The following KRAS variants were observed in gnomAD, a reference collection of about 807,000 sequenced individuals.
The protein encoded by KRAS is KRas proto-oncogene, GTPase, also known as GTPase KRas.
Under a neutral mutation model 21.0 loss-of-function variants are expected in KRAS, and 1 was observed. The ratio of observed to expected loss-of-function variants is 0.05; its 90% CI spans 0.02 to 0.23. The LOEUF (loss-of-function observed/expected upper bound fraction) is 0.23. Ranked by LOEUF, KRAS falls within the 10% of genes least tolerant of loss-of-function variation. KRAS has a pLI of 1.00. For synonymous variants in KRAS, 67 were observed against 72.5 expected (o/e 0.92, Z 0.39); for missense variants, 107 against 221.8 (o/e 0.48, Z 3.29).
In KRAS at chr12:25,209,246, G is replaced by A; in HGVS notation, c.*549C>T. On this transcript the variant is annotated 3_prime_UTR_variant, in exon 5 of 5. Transcript: ENST00000311936. The stretch of plus-strand genomic sequence containing the variant: ...GACCATGACTAATAGCAGTGGAAAG[G>A]AGACAAAACCTTTGTGAACAGTGTA... 1.5e-6 allele frequency: 1 copy of A among 683,656 alleles called. No individual in the cohort carries two copies. Among genetic ancestry groups the A allele is most frequent in the Non-Finnish European group, 2.7e-6 (1 of 375,326 alleles). The allele number at this position is 683,656 out of a possible 1,614,324, so 42.3% of individuals were successfully genotyped here.
At chr12:25,230,515 C>G (rs1951452399) in intron 2 of KRAS, among the ~76,000 whole-genome samples, 1 of 152,068 alleles carries the variant, frequency 6.6e-6, no homozygotes, top group Non-Finnish European at 1.5e-5. Flanking sequence ...GTAATCCCAG[C>G]TACTCGGGAG....
chr12:25,227,558 A>G (rs1459009304), intron 2 of KRAS, 146 bp from the exon 3 acceptor site: 1 of 663,848 alleles, frequency 1.5e-6, no homozygotes, highest in East Asian at 2.8e-5. Context: ...AAGATGACGG[A>G]CAAATGGCCA....
At chr12:25,232,926 C>G (rs1257332976) in intron 2 of KRAS, among the ~76,000 whole-genome samples, 1 of 152,048 alleles carries the variant, frequency 6.6e-6, no homozygotes, top group Non-Finnish European at 1.5e-5. Context: ...TAGCCTTTGA[C>G]ATAGTAATGT....
At chr12:25,248,007 T>C (rs998404446) in intron 1 of KRAS, among the ~76,000 whole-genome samples, 1 of 152,116 alleles carries the variant, frequency 6.6e-6, no homozygotes, top group Non-Finnish European at 1.5e-5. Flanking sequence ...CCCAAACAAA[T>C]CAAAGATTTT....
At chr12:25,235,367 G>A in intron 2 of KRAS, 1 of 366,066 alleles carries the variant, frequency 2.7e-6, no homozygotes, top group Non-Finnish European at 5.0e-6. Context: ...GTTGTAGACT[G>A]TCAGAATTAT....
intron 2 of KRAS, among the ~76,000 whole-genome samples, chr12:25,229,036 CA>C (rs1335898542): frequency 6.6e-6 from 1 of 151,868 alleles, no homozygotes; most frequent in African/African-American, 2.4e-5. Context: ...TCCAGCCTGG[CA>C]ACAGAGCAAG....
intron 4 of KRAS, chr12:25,215,658 G>C: frequency 9.8e-7 from 1 of 1,018,104 alleles, no homozygotes; most frequent in South Asian, 1.4e-5. Context: ...ATGAGCTTGA[G>C]ATTTTTTTTT....
chr12:25,246,909 C>T (rs1592825071), intron 1 of KRAS, among the ~76,000 whole-genome samples: 1 of 128,046 alleles, frequency 7.8e-6, no homozygotes, highest in East Asian at 2.0e-4. Context: ...AGAGCCACTC[C>T]GTCTCAAAAA....
At chr12:25,215,838 T>C (rs1330336153) in intron 4 of KRAS, among the ~76,000 whole-genome samples, 1 of 152,226 alleles carries the variant, frequency 6.6e-6, no homozygotes, top group Non-Finnish European at 1.5e-5. Context: ...ACACAGGTAT[T>C]AGCATCTGTT....
Position 25,225,783 on chromosome 12 carries a change from A to T in KRAS, c.291-10T>A, listed in dbSNP as rs546144798. The stretch of plus-strand genomic sequence containing the variant: ...TCTTTTAATTTGTTCTCTGGGAAAG[A>T]AAAAAAAGTTATAGCACAGTCATTA... On this transcript the variant is annotated splice_polypyrimidine_tract_variant and intron_variant, in intron 3 of 4. Coordinates refer to ENST00000311936, the MANE Select transcript of KRAS (RefSeq NM_004985.5). 1 of 1,605,084 alleles carries T rather than the reference A, an allele frequency of 6.2e-7. No homozygotes were observed. The highest frequency in any genetic ancestry group is 2.2e-5 in the East Asian group (1 of 44,682).
rs1287065036 is a variant in KRAS, at chr12:25,208,277, T to A, written c.*1518A>T. 4.3e-6 allele frequency: 1 copy of A among 233,210 alleles called. No individual in the cohort carries two copies. Among genetic ancestry groups the A allele is most frequent in the African/African-American group, 2.2e-5 (1 of 45,332 alleles). 14.4% of individuals were successfully genotyped at this position (233,210 alleles called of 1,614,324 possible). ...AAAAGACACCTATCTAGAACCTAAGTCACCTTCTTCCTAGTCCAGTGATAC... is the reference window on the plus strand; with the variant it reads ...AAAAGACACCTATCTAGAACCTAAGACACCTTCTTCCTAGTCCAGTGATAC... On this transcript the variant is annotated 3_prime_UTR_variant, in exon 5 of 5. Coordinates refer to ENST00000311936, the MANE Select transcript of KRAS (RefSeq NM_004985.5).
Position 25,208,124 on chromosome 12 carries a change from A to G in KRAS, c.*1671T>C, listed in dbSNP as rs564657779. Reference sequence around the variant, plus strand: ...TTACAGATTGTGCTGAGCTTGACAAATAAGTGTATCCTTATGTAAATGGAA... The same window carrying G: ...TTACAGATTGTGCTGAGCTTGACAAGTAAGTGTATCCTTATGTAAATGGAA... On this transcript the variant is annotated 3_prime_UTR_variant, in exon 5 of 5. Transcript: ENST00000311936. 4.7e-5 allele frequency: 11 copies of G among 233,428 alleles called. No individual in the cohort carries two copies. Among genetic ancestry groups the G allele is most frequent in the African/African-American group, 2.2e-4 (10 of 45,446 alleles). The allele number at this position is 233,428 out of a possible 1,614,324, so 14.5% of individuals were successfully genotyped here.
intron 4 of KRAS, among the ~76,000 whole-genome samples, chr12:25,210,471 ATAT>A (rs1343710963): frequency 6.6e-6 from 1 of 152,150 alleles, no homozygotes; most frequent in Non-Finnish European, 1.5e-5. Flanking sequence ...GTATCTAAAC[ATAT>A]TATTTCAGTT....
At position 25,209,712 on chromosome 12, in the gene KRAS, A is replaced by G; in HGVS notation, c.*83T>C. On this transcript the variant is annotated 3_prime_UTR_variant, in exon 5 of 5. Coordinates refer to ENST00000311936, the MANE Select transcript of KRAS (RefSeq NM_004985.5). ...AGCAGGAAAAAAATTAGGTAATGCT[A>G]AAACAAATGCTAATAATTTAGTGTA... 1 of 1,553,352 alleles carries G rather than the reference A, an allele frequency of 6.4e-7. No homozygotes were observed.
intron 4 of KRAS, among the ~76,000 whole-genome samples, chr12:25,220,751 A>C (rs1951311452): frequency 6.6e-6 from 1 of 151,278 alleles, no homozygotes. Context: ...GAGACCAGGC[A>C]CAGTGACTCA....
At chr12:25,245,990 T>C (rs1210320362) in intron 1 of KRAS, among the ~76,000 whole-genome samples, 10 of 151,998 alleles carry the variant, frequency 6.6e-5, no homozygotes, top group African/African-American at 2.2e-4. Flanking sequence ...GATTGTGTCA[T>C]GGGGAAATAA....
At chr12:25,226,735 G>C (rs1951397949) in intron 3 of KRAS, among the ~76,000 whole-genome samples, 1 of 152,114 alleles carries the variant, frequency 6.6e-6, no homozygotes, top group South Asian at 2.1e-4. Context: ...GTTTTATGCA[G>C]CTTTGTCAGA....
chr12:25,225,593 AT>A lies in KRAS; in HGVS notation c.450+20del. The A allele has an allele frequency of 6.2e-7, 1 of 1,610,646 alleles. No individual in the cohort carries two copies. Among genetic ancestry groups the A allele is most frequent in the Non-Finnish European group, 8.5e-7 (1 of 1,177,908 alleles). On this transcript the variant is annotated intron_variant, in intron 4 of 4. Coordinates refer to ENST00000311936, the MANE Select transcript of KRAS (RefSeq NM_004985.5). Reference sequence around the variant, plus strand: ...ATGATTTTGCAGAAAACAGATCTGTATTTATTTCAGTGTTACTTACCTGTCT... The same window carrying A: ...ATGATTTTGCAGAAAACAGATCTGTATTATTTCAGTGTTACTTACCTGTCT...
intron 4 of KRAS, among the ~76,000 whole-genome samples, chr12:25,221,024 CAAAA>C (rs67015511): frequency 0.46 from 38,855 of 84,922 alleles, 6,408 homozygotes; most frequent in East Asian, 0.71. Flanking sequence ...GACTCTGCCT[CAAAA>C]AAAAAAAAAA....
Sources: allele counts gnomAD v4.1 joint callset (sites outside exome capture counted in the v4.1 genomes callset), GRCh38; gene constraint gnomAD v4.1.1; transcripts MANE v1.5; gene names NCBI Gene and HGNC (gene_info 2026-07-23, HGNC 2026-07-21).